The following DIS3 variants were observed in gnomAD, a reference collection of about 807,000 sequenced individuals.
DIS3 encodes DIS3 exosome endoribonuclease and 3'-5' exoribonuclease.
Under a neutral mutation model 113.0 loss-of-function variants are expected in DIS3, and 103 were observed. The ratio of observed to expected loss-of-function variants is 0.91; its 90% CI spans 0.78 to 1.07. The LOEUF is 1.07. Ranked by LOEUF, DIS3 falls within the 50% of genes least tolerant of loss-of-function variation. The pLI is 0.00. For synonymous variants in DIS3, 402 were observed against 394.3 expected (o/e 1.02, Z -0.23); for missense variants, 1,121 against 1,167.1 (o/e 0.96, Z 0.58).
intron 4 of DIS3, among the ~76,000 whole-genome samples, chr13:72,777,009 A>G (rs1192377691): frequency 1.3e-5 from 2 of 152,216 alleles, no homozygotes; most frequent in Non-Finnish European, 2.9e-5. Flanking sequence ...AGATCTTTAT[A>G]AATCAATTGA....
At chr13:72,774,225 T>C (rs973440607) in intron 6 of DIS3, among the ~76,000 whole-genome samples, 166 bp from the exon 7 acceptor site, 2 of 152,144 alleles carry the variant, frequency 1.3e-5, no homozygotes, top group Non-Finnish European at 2.9e-5. Context: ...AGAACATGCA[T>C]GCCAAACCAA....
chr13:72,761,431 C>T lies in DIS3; in HGVS notation c.2602G>A (p.Gly868Ser). 1 of 1,611,910 alleles carries T rather than the reference C, an allele frequency of 6.2e-7. No homozygotes were observed. The highest frequency in any genetic ancestry group is 2.2e-5 in the East Asian group (1 of 44,762). Residue 868 changes from glycine (G) to serine (S), a missense_variant, in exon 19 of 21, where the codon GGT becomes AGT. Gly to Ser is a moderately conservative substitution (Grantham distance 56, BLOSUM62 0). Around this residue, in one of 3 missense-constraint regions of DIS3, gnomAD observed 861 missense variants for 915.5 expected, o/e 0.94. Coordinates refer to ENST00000377767, the MANE Select transcript of DIS3 (RefSeq NM_014953.5). ...NAIVVLIPKY[G>S]LEGTVFFEEK... ...TCAAAAAAGACTGTCCCTTCTAAACCATACTTTGGAATTAATACCACAATG... is the reference window on the plus strand; with the variant it reads ...TCAAAAAAGACTGTCCCTTCTAAACTATACTTTGGAATTAATACCACAATG...
rs1593848291 is a variant in DIS3 at position 72,774,015 on chromosome 13, T to C, written c.1032A>G (p.Arg344=). The C allele has an allele frequency of 6.2e-7, 1 of 1,611,370 alleles. No homozygotes were observed. ...VSEKMLKPTG[R]VVGIIKRNWR... is the part of the protein sequence containing the mutation. ...AATTCCTTTTTATTATTCCTACAAC[T>C]CTACCTGTAGGCTTCAACATTTTCT... is the stretch of plus-strand genomic sequence containing the variant. Residue 344 remains arginine, a synonymous_variant, in exon 7 of 21, where the codon AGA becomes AGG. Coordinates refer to ENST00000377767, the MANE Select transcript of DIS3 (RefSeq NM_014953.5).
Position 72,781,720 on chromosome 13 carries a change from G to A in DIS3, c.113C>T (p.Ala38Val). The stretch of plus-strand genomic sequence containing the variant: ...CGGCCCCTCGTGCGCCCCTCCACAC[G>A]CTGCGCACCCGGGCGCACCGCAGCC... ...DIGCGAPGCA[A>V]CGGAHEGPAL... Residue 38 changes from alanine (A) to valine (V), a missense_variant, in exon 1 of 21, where the codon GCG becomes GTG. This residue lies in a region of DIS3 where 254 missense variants were observed against 232.2 expected (regional missense o/e 1.09). Transcript: ENST00000377767. The A allele has an allele frequency of 1.9e-6, 3 of 1,578,404 alleles. No homozygotes were observed. Among genetic ancestry groups the A allele is most frequent in the Admixed American group, 1.8e-5 (1 of 54,750 alleles).
intron 6 of DIS3, among the ~76,000 whole-genome samples, chr13:72,774,733 C>T (rs9543117): frequency 0.11 from 16,044 of 152,010 alleles, 1,155 homozygotes; most frequent in Non-Finnish European, 0.16. Context: ...GTAGACTTAG[C>T]GCATATCATA....
intron 13 of DIS3, among the ~76,000 whole-genome samples, chr13:72,770,308 T>A (rs570726809): frequency 1.3e-5 from 2 of 152,128 alleles, no homozygotes; most frequent in Non-Finnish European, 2.9e-5. Context: ...AAAATTTTGC[T>A]ATAACAGTGC....
chr13:72,772,831 A>G lies in DIS3; in HGVS notation c.1248T>C (p.Phe416=), dbSNP rs771366767. The G allele has an allele frequency of 1.9e-6, 3 of 1,601,076 alleles. No homozygotes were observed. The highest frequency in any genetic ancestry group is 1.3e-5 in the African/African-American group (1 of 74,394). The change falls in exon 9 of 21, where the codon TTT becomes TTC. Residue 416 remains phenylalanine, a synonymous_variant. Coordinates refer to ENST00000377767, the MANE Select transcript of DIS3 (RefSeq NM_014953.5). ...PRNSRYPNGH[F]VRNLGDVGEK... is the part of the protein sequence containing the mutation. ...CTCCAACATCACCTAAATTTCTCAC[A>G]AAGTGTCCCTGAAACCAAGAGGCAT...
At chr13:72,760,089 G>A (rs2033588007) in intron 20 of DIS3, among the ~76,000 whole-genome samples, 1 of 152,160 alleles carries the variant, frequency 6.6e-6, no homozygotes, top group African/African-American at 2.4e-5. Flanking sequence ...GTCTCAACAG[G>A]TGAGAAGCAT....
rs898137824 is a variant in DIS3 at position 72,765,767 on chromosome 13, T to A, written c.1970+205A>T. ...AAGCAAACAAATTCAAATTGAAAGT[T>A]TTTCTATTATGCGACTAAACGCAGT... On this transcript the variant is annotated intron_variant, in intron 15 of 20. Coordinates refer to ENST00000377767, the MANE Select transcript of DIS3 (RefSeq NM_014953.5). 7.2e-5 allele frequency among the ~76,000 whole-genome samples: 11 copies of A among 152,334 alleles called. No homozygotes were observed. In the East Asian group the frequency reaches 2.1e-3, roughly 29 times the overall value.
Position 72,772,828 on chromosome 13 carries a change from C to A in DIS3, c.1251G>T (p.Val417=). The change falls in exon 9 of 21, where the codon GTG becomes GTT. Residue 417 remains valine, a synonymous_variant. Coordinates refer to ENST00000377767, the MANE Select transcript of DIS3 (RefSeq NM_014953.5). ...RNSRYPNGHF[V]RNLGDVGEKE... is the part of the protein sequence containing the mutation. Reference sequence around the variant, plus strand: ...TCTCTCCAACATCACCTAAATTTCTCACAAAGTGTCCCTGAAACCAAGAGG... The same window carrying A: ...TCTCTCCAACATCACCTAAATTTCTAACAAAGTGTCCCTGAAACCAAGAGG... 6.2e-7 allele frequency: 1 copy of A among 1,601,352 alleles called. No homozygotes were observed.
At position 72,759,853 on chromosome 13, in the gene DIS3, T is replaced by C. The variant is rs908643842; in HGVS notation, c.2819A>G (p.Asp940Gly). The change falls in exon 21 of 21, where the codon GAT becomes GGT. Residue 940 changes from aspartate to glycine, a missense_variant. Asp to Gly is a moderately conservative substitution (Grantham distance 94, BLOSUM62 -1). Transcript: ENST00000377767. ...PQIPGISIPT[D>G]TSNMDLNGPK... ...TCCATTAAGGTCCATGTTTGAAGTA[T>C]CAGTAGGAATGCTTATTCCTGGTAT... The C allele has an allele frequency of 3.1e-6, 5 of 1,613,222 alleles. No homozygotes were observed. The African/African-American group carries it at 4.0e-5, about 13-fold the overall frequency.
intron 11 of DIS3, among the ~76,000 whole-genome samples, chr13:72,771,453 A>C (rs2033884155): frequency 6.6e-6 from 1 of 152,176 alleles, no homozygotes; most frequent in Non-Finnish European, 1.5e-5. Context: ...ATAAGTTTAT[A>C]CTTGATACCT....
chr13:72,776,025 A>G lies in DIS3; in HGVS notation c.722T>C (p.Ile241Thr). 2 of 1,610,660 alleles carry G rather than the reference A, an allele frequency of 1.2e-6. No individual in the cohort carries two copies. The highest frequency in any genetic ancestry group is 8.5e-7 in the Non-Finnish European group (1 of 1,179,060). ...HLPLSKLQQGIKSGTYLQGTF... is the reference protein window; with the variant it reads ...HLPLSKLQQGTKSGTYLQGTF... ...TCCTTGAAGGTATGTACCAGATTTT[A>G]TGCCTTGCTGTAGCTTACTTAAGGG... Residue 241 changes from isoleucine (I) to threonine (T), a missense_variant, in exon 5 of 21, where the codon ATA (isoleucine) becomes ACA (threonine). Physicochemically the swap from Ile to Thr is moderately conservative, Grantham distance 89 (BLOSUM62 -1). Coordinates refer to ENST00000377767, the MANE Select transcript of DIS3 (RefSeq NM_014953.5).
At chr13:72,765,433 G>A (rs976244581) in intron 15 of DIS3, among the ~76,000 whole-genome samples, 3 of 151,976 alleles carry the variant, frequency 2.0e-5, no homozygotes, top group Admixed American at 6.6e-5. Flanking sequence ...CACCAGGGAC[G>A]GGTTTCATGG....
At chr13:72,765,918 A>T (rs2033733960) in intron 15 of DIS3, 54 bp downstream of exon 15, 4 of 1,275,968 alleles carry the variant, frequency 3.1e-6, no homozygotes, top group Non-Finnish European at 4.4e-6. Context: ...TACAGTAGAC[A>T]TGACAATTAA....
chr13:72,752,887 T>C lies in DIS3; in HGVS notation c.*6908A>G, dbSNP rs1372002408. 1 of 152,090 alleles carries C rather than the reference T, an allele frequency of 6.6e-6. No homozygotes were observed. Among genetic ancestry groups the C allele is most frequent in the Non-Finnish European group, 1.5e-5 (1 of 68,044 alleles). The allele number at this position is 152,090 out of a possible 1,614,324, so 9.4% of individuals were successfully genotyped here. Reference sequence around the variant, plus strand: ...TTGCAGGGAGGGCTTAAATGCAAAATGATTCCCTTGTGGATTGCTTTCTTT... The same window carrying C: ...TTGCAGGGAGGGCTTAAATGCAAAACGATTCCCTTGTGGATTGCTTTCTTT... On this transcript the variant is annotated 3_prime_UTR_variant, in exon 21 of 21. Coordinates refer to ENST00000377767, the MANE Select transcript of DIS3 (RefSeq NM_014953.5).
chr13:72,756,735 C>G lies in DIS3; in HGVS notation c.*3060G>C, dbSNP rs1053410088. On this transcript the variant is annotated 3_prime_UTR_variant, in exon 21 of 21. Transcript: ENST00000377767. ...TTATAAGCGTCTGGCATTTCCACTG[C>G]TGGCAGTCATTTTCATCCTGCCGCC... 6.6e-6 allele frequency: 1 copy of G among 152,080 alleles called. No homozygotes were observed. The highest frequency in any genetic ancestry group is 2.4e-5 in the African/African-American group (1 of 41,284). The allele number at this position is 152,080 out of a possible 1,614,324, so 9.4% of individuals were successfully genotyped here. A position where few individuals can be genotyped will look rare whatever the true frequency, so the allele number is the denominator to read the frequency against.
In DIS3 at chr13:72,768,878, A is replaced by G. The variant is rs79065244; in HGVS notation, c.1790T>C (p.Ile597Thr). Residue 597 changes from isoleucine to threonine, a missense_variant, in exon 14 of 21, where the codon ATT becomes ACT. Physicochemically the swap from Ile to Thr is moderately conservative, Grantham distance 89. Transcript: ENST00000377767. ...ATCATCATTCATGTTTGCTGAATCA[A>G]TTCTCAACTGAGCTTCAGCATACGT... ...SLTYAEAQLRIDSANMNDDIT... is the reference protein window; with the variant it reads ...SLTYAEAQLRTDSANMNDDIT... 18 of 1,602,730 alleles carry G rather than the reference A, an allele frequency of 1.1e-5. No homozygotes were observed. The highest frequency in any genetic ancestry group is 1.7e-5 in the Admixed American group (1 of 59,918).
In DIS3 at chr13:72,778,347, A is replaced by G; in HGVS notation, c.420T>C (p.Asn140=). The change falls in exon 3 of 21, where the codon AAT becomes AAC. Residue 140 remains asparagine (N), a synonymous_variant. Coordinates refer to ENST00000377767, the MANE Select transcript of DIS3 (RefSeq NM_014953.5). ...TCGCTCTATCATTCCTGTCATTAGC[A>G]TTTTCTCCCTGTTCTTGTTCTACAT... ...ETYVEQEQGE[N]ANDRNDRAIR... is the part of the protein sequence containing the mutation. The G allele has an allele frequency of 1.3e-6, 2 of 1,580,842 alleles. No homozygotes were observed. The highest frequency in any genetic ancestry group is 1.7e-6 in the Non-Finnish European group (2 of 1,155,022).
Sources: allele counts gnomAD v4.1 joint callset (sites outside exome capture counted in the v4.1 genomes callset), GRCh38; gene constraint gnomAD v4.1.1; regional missense constraint gnomAD v4.1.1; transcripts MANE v1.5; gene names NCBI Gene and HGNC (gene_info 2026-07-23, HGNC 2026-07-21).